TIAM2: variants seen among roughly 807,000 people sequenced by gnomAD.
The protein encoded by TIAM2 is rho guanine nucleotide exchange factor TIAM2.
A neutral mutation model predicts 152.9 loss-of-function variants in TIAM2; 80 were observed. That is an observed-to-expected ratio of 0.52 (90% CI 0.44 to 0.63). The LOEUF (loss-of-function observed/expected upper bound fraction) is 0.63, where lower values mean the gene tolerates loss of function less well. Ranked by LOEUF, TIAM2 falls within the 30% of genes least tolerant of loss-of-function variation. The pLI, the probability that TIAM2 is intolerant of heterozygous loss-of-function variation, is 0.00. For missense variants in TIAM2, 1,965 were observed against 2,120.1 expected, an observed-to-expected ratio of 0.93 and a Z score of 1.44; for synonymous variants, 804 against 838.0, an observed-to-expected ratio of 0.96 and a Z score of 0.70.
At chr6:155,126,731 C>CAAAT (rs59895840) in intron 2 of TIAM2, among the ~76,000 whole-genome samples, 31,410 of 150,454 alleles carry the variant, frequency 0.21, 4,105 homozygotes, top group South Asian at 0.39. Context: ...AACTCTGTCT[C>CAAAT]AAATAAATAA....
At position 155,006,067 on chromosome 6, in the gene TIAM2, C is replaced by T. The variant is rs547455208; in HGVS notation, c.-209+10575C>T. ...ATCGAGCCGCCTGCCTCTGGGTCCT[C>T]GAGCCTCGAGGAGTAGAGGGCAGGG... On this transcript the variant is annotated intron_variant, in intron 1 of 26. Coordinates refer to ENST00000682666, the MANE Select transcript of TIAM2 (RefSeq NM_012454.4). 9.2e-5 allele frequency among the ~76,000 whole-genome samples: 14 copies of T among 152,304 alleles called. No individual in the cohort carries two copies. The East Asian group carries it at 2.5e-3, about 27-fold the overall frequency.
At chr6:155,053,326 T>A (rs1208950007) in intron 1 of TIAM2, among the ~76,000 whole-genome samples, 1 of 152,178 alleles carries the variant, frequency 6.6e-6, no homozygotes, top group South Asian at 2.1e-4. Flanking sequence ...AAACTATTCT[T>A]GCCACCTGTT....
At chr6:155,246,229 TG>T (rs962537485) in intron 19 of TIAM2, among the ~76,000 whole-genome samples, 6 of 152,206 alleles carry the variant, frequency 3.9e-5, no homozygotes, top group Non-Finnish European at 7.4e-5. Context: ...TCTCTCTGCG[TG>T]GGCCTGGAGG....
chr6:155,000,897 T>G (rs1778301286), intron 1 of TIAM2, among the ~76,000 whole-genome samples: 1 of 152,100 alleles, frequency 6.6e-6, no homozygotes, highest in African/African-American at 2.4e-5. Flanking sequence ...GGCACGAGAA[T>G]TGCTTGAATC....
chr6:155,119,483 G>T (rs1446124896), intron 2 of TIAM2, among the ~76,000 whole-genome samples: 2 of 152,012 alleles, frequency 1.3e-5, no homozygotes, highest in Non-Finnish European at 2.9e-5. Context: ...GGGATTACAG[G>T]CATGAGCCAC....
At chr6:155,211,467 T>C (rs1781716973) in intron 15 of TIAM2, among the ~76,000 whole-genome samples, 160 bp downstream of exon 15, 1 of 151,838 alleles carries the variant, frequency 6.6e-6, no homozygotes, top group Admixed American at 6.5e-5. Context: ...TCCTTATTTA[T>C]GTATTTTTTT....
intron 1 of TIAM2, among the ~76,000 whole-genome samples, chr6:155,019,944 T>G (rs1776440624): frequency 6.6e-6 from 1 of 152,118 alleles, no homozygotes; most frequent in Non-Finnish European, 1.5e-5. Flanking sequence ...TCCCGGCTAC[T>G]TGGGAGGCTG....
chr6:155,172,655 TATATATATATATATATATATATATA>T (rs1562340942), intron 9 of TIAM2, among the ~76,000 whole-genome samples: 18 of 12,386 alleles, frequency 1.5e-3, no homozygotes, highest in Non-Finnish European at 3.0e-3. Flanking sequence ...TATATATATA[TATATATATATATATATATATATATA>T]TATATATTTT....
rs1562381518 is a variant in TIAM2, at chr6:155,257,587, T to TAGAG, written c.*466_*467insAGAG. 2.2e-6 allele frequency: 1 copy of TAGAG among 460,404 alleles called. No homozygotes were observed. The highest frequency in any genetic ancestry group is 3.8e-6 in the Non-Finnish European group (1 of 264,152). 28.5% of individuals were successfully genotyped at this position (460,404 alleles called of 1,614,324 possible). A position where few individuals can be genotyped will look rare whatever the true frequency, so the allele number is the denominator to read the frequency against. ...AGATACTTCATTTTTGTAAGATAGATTGTAATAGATGCTGTTTATACTAAA... is the reference window on the plus strand; with the variant it reads ...AGATACTTCATTTTTGTAAGATAGATAGAGTGTAATAGATGCTGTTTATACTAAA... On this transcript the variant is annotated 3_prime_UTR_variant, in exon 27 of 27. Transcript: ENST00000682666.
chr6:155,236,186 C>T (rs1049415092), intron 15 of TIAM2, among the ~76,000 whole-genome samples: 3 of 151,812 alleles, frequency 2.0e-5, no homozygotes, highest in African/African-American at 4.8e-5. Flanking sequence ...GCTGTGATTC[C>T]GTCAATTTCC....
At chr6:155,050,908 TTTTA>T (rs1436059994) in intron 1 of TIAM2, among the ~76,000 whole-genome samples, 2 of 152,232 alleles carry the variant, frequency 1.3e-5, no homozygotes, top group Admixed American at 6.5e-5. Context: ...TTGGGCATTG[TTTTA>T]TTCATTGGCC....
chr6:155,187,573 C>CCGGTGTTTTTT (rs1189509294), intron 14 of TIAM2, among the ~76,000 whole-genome samples: 1 of 49,614 alleles, frequency 2.0e-5, no homozygotes, highest in Non-Finnish European at 3.7e-5. Flanking sequence ...ACCCCGCCCC[C>CCGGTGTTTTTT]TTTTTTTTTT....
At chr6:155,028,226 ATAC>A (rs1390012821) in intron 1 of TIAM2, among the ~76,000 whole-genome samples, 1 of 130,284 alleles carries the variant, frequency 7.7e-6, no homozygotes, top group Non-Finnish European at 1.6e-5. Context: ...TGTTACATAT[ATAC>A]TACATATAAT....
chr6:155,060,722 C>A (rs1016262343), intron 1 of TIAM2, among the ~76,000 whole-genome samples: 1 of 152,008 alleles, frequency 6.6e-6, no homozygotes, highest in African/African-American at 2.4e-5. Context: ...ATGGTGAAAC[C>A]CTGTCTCTAC....
chr6:155,020,646 A>G (rs1365878637), intron 1 of TIAM2, among the ~76,000 whole-genome samples: 7 of 152,128 alleles, frequency 4.6e-5, no homozygotes, highest in Admixed American at 3.9e-4. Context: ...TATTTTTAGT[A>G]GAGACAGGGT....
intron 15 of TIAM2, among the ~76,000 whole-genome samples, chr6:155,226,700 T>C (rs1259175504): frequency 6.6e-6 from 1 of 151,998 alleles, no homozygotes; most frequent in Non-Finnish European, 1.5e-5. Context: ...AAAAAAAGAT[T>C]GCAGATGGTG....
rs1331506067 is a variant in TIAM2 at position 155,028,986 on chromosome 6, TA to T, written c.-209+33495del. Among the ~76,000 whole-genome samples the T allele has an allele frequency of 1.6e-4, 19 of 118,436 alleles. 5 individuals carry two copies. Among genetic ancestry groups the T allele is most frequent in the African/African-American group, 5.5e-4 (16 of 28,962 alleles). The allele number at this position is 118,436 out of a possible 152,430, so 77.7% of individuals were successfully genotyped here. On this transcript the variant is annotated intron_variant, in intron 1 of 26. Coordinates refer to ENST00000682666, the MANE Select transcript of TIAM2 (RefSeq NM_012454.4). ...TATGTACTATATATACTATGTTATATATACACTGTATATACTATATATACTA... is the reference window on the plus strand; with the variant it reads ...TATGTACTATATATACTATGTTATATTACACTGTATATACTATATATACTA...
intron 17 of TIAM2, among the ~76,000 whole-genome samples, 179 bp downstream of exon 17, chr6:155,244,258 T>A (rs548280804): frequency 6.6e-6 from 1 of 152,332 alleles, no homozygotes; most frequent in Admixed American, 6.5e-5. Context: ...CTCGGCTGCA[T>A]GACCCAGTGG....
intron 1 of TIAM2, among the ~76,000 whole-genome samples, chr6:155,036,122 A>G (rs994948332): frequency 1.3e-5 from 2 of 152,146 alleles, no homozygotes; most frequent in Non-Finnish European, 2.9e-5. Context: ...GATACCCCAA[A>G]CAGAGTGGCC....
Sources: allele counts gnomAD v4.1 joint callset (sites outside exome capture counted in the v4.1 genomes callset), GRCh38; gene constraint gnomAD v4.1.1; transcripts MANE v1.5; gene names NCBI Gene and HGNC (gene_info 2026-07-23, HGNC 2026-07-21).